Variants in PMEL observed in about 807,000 individuals in gnomAD.
PMEL encodes the protein melanocyte protein PMEL.
A neutral mutation model predicts 64.9 loss-of-function variants in PMEL; 53 were observed. That is an observed-to-expected ratio of 0.82 (90% CI 0.66 to 1.03). The LOEUF is 1.03. PMEL is among the 50% of genes least tolerant of loss of function. The pLI is 0.00. For missense variants in PMEL, 716 were observed against 814.9 expected (o/e 0.88, Z 1.48); for synonymous variants, 299 against 316.2 (o/e 0.95, Z 0.58).
At chr12:55,960,842 C>A (rs1168521342) in intron 3 of PMEL, among the ~76,000 whole-genome samples, 2 of 150,418 alleles carry the variant, frequency 1.3e-5, no homozygotes, top group African/African-American at 2.4e-5. Context: ...CCACCGCGCC[C>A]GGCCTTCTCT....
chr12:55,965,695 C>T (rs542241776), intron 1 of PMEL, among the ~76,000 whole-genome samples: 2 of 152,294 alleles, frequency 1.3e-5, no homozygotes, highest in East Asian at 3.9e-4. Flanking sequence ...AAGGAAGCCT[C>T]AGAATCAGTG....
Position 55,954,215 on chromosome 12 carries a change from C to T in PMEL, c.1985G>A (p.Ter662=). 1.9e-6 allele frequency: 3 copies of T among 1,609,616 alleles called. No individual in the cohort carries two copies. Among genetic ancestry groups the T allele is most frequent in the Non-Finnish European group, 2.5e-6 (3 of 1,178,376 alleles). ...NSPLLSGQQV[*] is the part of the protein sequence containing the mutation. ...AATCACAGCATCATATGAGAGTACT[C>T]AGACCTGCTGCCCACTGAGGAGGGG... The change falls in exon 11 of 11, where the codon TGA becomes TAA. Residue 662 remains the stop codon, a stop_retained_variant. Transcript: ENST00000548747.
In PMEL at chr12:55,961,628, A is replaced by C; in HGVS notation, c.181T>G (p.Trp61Gly). The C allele has an allele frequency of 6.2e-7, 1 of 1,613,074 alleles. No homozygotes were observed. The highest frequency in any genetic ancestry group is 8.5e-7 in the Non-Finnish European group (1 of 1,179,348). The change falls in exon 2 of 11, where the codon TGG becomes GGG. Residue 61 changes from tryptophan to glycine, a missense_variant. Transcript: ENST00000548747. Reference sequence around the variant, plus strand: ...GGAACTTCCAAGTTCCTACCTCTCCAGCAGTCAAGTCTCTGGGCTTCTGTC... The same window carrying C: ...GGAACTTCCAAGTTCCTACCTCTCCCGCAGTCAAGTCTCTGGGCTTCTGTC... ...EWTEAQRLDC[W>G]RGGQVSLKVS... is the part of the protein sequence containing the mutation.
In PMEL at chr12:55,961,460, C is replaced by G; in HGVS notation, c.191G>C (p.Gly64Ala). ...EAQRLDCWRG[G>A]QVSLKVSNDG... ...ATTACTGACCTTGAGGGACACTTGA[C>G]CACCTGGGAAGGAAAGCTACATTAG... is the stretch of plus-strand genomic sequence containing the variant. The change falls in exon 3 of 11, where the codon GGT (glycine) becomes GCT (alanine). Residue 64 changes from glycine to alanine, a missense_variant. Coordinates refer to ENST00000548747, the MANE Select transcript of PMEL (RefSeq NM_001384361.1). 6.2e-7 allele frequency: 1 copy of G among 1,614,074 alleles called. No homozygotes were observed. Among genetic ancestry groups the G allele is most frequent in the Non-Finnish European group, 8.5e-7 (1 of 1,179,964 alleles).
chr12:55,954,295 A>G lies in PMEL; in HGVS notation c.1905T>C (p.Ser635=), dbSNP rs765828110. 7 of 1,613,810 alleles carry G rather than the reference A, an allele frequency of 4.3e-6. No individual in the cohort carries two copies. The highest frequency in any genetic ancestry group is 5.9e-6 in the Non-Finnish European group (7 of 1,179,684). Residue 635 remains serine (S), a synonymous_variant, in exon 11 of 11, where the codon AGT becomes AGC. Coordinates refer to ENST00000548747, the MANE Select transcript of PMEL (RefSeq NM_001384361.1). ...AGATGCGGGGTAGACGCAGCCAGTG[A>G]CTGCTGCTATGTGGCAACTGGGGTA... ...FSVPQLPHSS[S]HWLRLPRIFC...
In PMEL at chr12:55,955,759, C is replaced by A. The variant is rs1231609668; in HGVS notation, c.1556+20G>T. On this transcript the variant is annotated intron_variant, in intron 8 of 10. Transcript: ENST00000548747. Reference sequence around the variant, plus strand: ...AAACAGTCAACCAAAGAGTTACCAGCACACTAGTGAGACACTCACCCGCCT... The same window carrying A: ...AAACAGTCAACCAAAGAGTTACCAGAACACTAGTGAGACACTCACCCGCCT... 1 of 1,610,708 alleles carries A rather than the reference C, an allele frequency of 6.2e-7. No homozygotes were observed. The highest frequency in any genetic ancestry group is 8.5e-7 in the Non-Finnish European group (1 of 1,177,004).
chr12:55,954,205 TGA>T lies in PMEL; in HGVS notation c.*7_*8del. On this transcript the variant is annotated 3_prime_UTR_variant, in exon 11 of 11. Coordinates refer to ENST00000548747, the MANE Select transcript of PMEL (RefSeq NM_001384361.1). ...ACTCCAGGAAAATCACAGCATCATA[TGA>T]GAGTACTCAGACCTGCTGCCCACTG... is the stretch of plus-strand genomic sequence containing the variant. 1 of 1,601,336 alleles carries T rather than the reference TGA, an allele frequency of 6.2e-7. No individual in the cohort carries two copies. The highest frequency in any genetic ancestry group is 1.7e-4 in the Middle Eastern group (1 of 6,008).
chr12:55,965,229 A>G (rs1889249938), intron 1 of PMEL, among the ~76,000 whole-genome samples: 1 of 152,122 alleles, frequency 6.6e-6, no homozygotes, highest in African/African-American at 2.4e-5. Flanking sequence ...GCCCGGCCTC[A>G]TTCCCTTTCT....
In PMEL at chr12:55,957,908, T is replaced by G; in HGVS notation, c.631+15A>C. On this transcript the variant is annotated intron_variant, in intron 5 of 10. Transcript: ENST00000548747. ...CTTGCCCTACAACTGGCCTTGCCCC[T>G]TCCTAAACCCTTACCAGTAATGGTG... 1 of 1,613,842 alleles carries G rather than the reference T, an allele frequency of 6.2e-7. No homozygotes were observed. The highest frequency in any genetic ancestry group is 8.5e-7 in the Non-Finnish European group (1 of 1,179,820).
At position 55,955,840 on chromosome 12, in the gene PMEL, G is replaced by A. The variant is rs1888860718; in HGVS notation, c.1495C>T (p.Leu499=). 1.2e-6 allele frequency: 2 copies of A among 1,613,998 alleles called. No individual in the cohort carries two copies. The highest frequency in any genetic ancestry group is 3.3e-5 in the Admixed American group (2 of 59,998). ...IVQGIESAEI[L]QAVPSGEGDA... ...CCCTCACCGGACGGCACAGCCTGCAGGATCTCGGCACTTTCAATACCCTCT... is the reference window on the plus strand; with the variant it reads ...CCCTCACCGGACGGCACAGCCTGCAAGATCTCGGCACTTTCAATACCCTCT... Residue 499 remains leucine (L), a synonymous_variant, in exon 8 of 11, where the codon CTG becomes TTG. Transcript: ENST00000548747.
chr12:55,959,227 T>A (rs1889009885), intron 3 of PMEL, among the ~76,000 whole-genome samples: 1 of 150,064 alleles, frequency 6.7e-6, no homozygotes, highest in Non-Finnish European at 1.5e-5. Context: ...AAAATACATT[T>A]AAAAAAAATT....
chr12:55,962,778 G>A (rs1425540812), intron 1 of PMEL, among the ~76,000 whole-genome samples: 2 of 151,636 alleles, frequency 1.3e-5, no homozygotes, highest in Admixed American at 6.6e-5. Flanking sequence ...TGATCCAACC[G>A]CTTCGGCCTC....
chr12:55,965,333 A>T (rs542458908), intron 1 of PMEL, among the ~76,000 whole-genome samples: 2 of 151,880 alleles, frequency 1.3e-5, no homozygotes, highest in South Asian at 4.2e-4. Context: ...GTCATAAGAT[A>T]CCCCATTCTT....
In PMEL at chr12:55,957,382, T is replaced by C; in HGVS notation, c.921A>G (p.Pro307=). ...PLTSCGSSPV[P]GTTDGHRPTA... The stretch of plus-strand genomic sequence containing the variant: ...TTGGCCTGTGCCCATCTGTGGTGCC[T>C]GGAACTGGGGAGGAGCCACAGGAGG... Residue 307 remains proline (P), a synonymous_variant, in exon 6 of 11, where the codon CCA becomes CCG. Transcript: ENST00000548747. 1.3e-6 allele frequency: 2 copies of C among 1,598,122 alleles called. No homozygotes were observed. Among genetic ancestry groups the C allele is most frequent in the Non-Finnish European group, 8.5e-7 (1 of 1,170,992 alleles).
upstream of PMEL, chr12:55,966,662 C>A (rs1889313328): frequency 4.7e-6 from 5 of 1,071,524 alleles, no homozygotes; most frequent in Admixed American, 1.9e-4. Flanking sequence ...GTCTAGCCCC[C>A]AAGAACCAAA....
At chr12:55,962,466 A>C (rs1471621759) in intron 1 of PMEL, among the ~76,000 whole-genome samples, 12 of 144,750 alleles carry the variant, frequency 8.3e-5, no homozygotes, top group African/African-American at 3.0e-4. Context: ...AAAAAAAAAA[A>C]AAAAACACAA....
chr12:55,966,489 G>C (rs1889307008), upstream of PMEL: 1 of 219,680 alleles, frequency 4.6e-6, no homozygotes, highest in Non-Finnish European at 8.3e-6. Flanking sequence ...TCCTGGGCCA[G>C]GTGGAATTTA....
chr12:55,958,648 C>CT, intron 3 of PMEL, 41 bp from the exon 4 acceptor site: 2 of 1,595,860 alleles, frequency 1.3e-6, no homozygotes, highest in Non-Finnish European at 1.7e-6. Flanking sequence ...CCCTGGCATT[C>CT]TTTTTTGTAT....
rs773457858 is a variant in PMEL, at chr12:55,955,460, C to T, written c.1762+4G>A. 6.2e-7 allele frequency: 1 copy of T among 1,614,008 alleles called. No individual in the cohort carries two copies. Reference sequence around the variant, plus strand: ...CTCATCTTAGCTCTTGTCCAAGGACCTACCAGGCATGATAAGCTGGGTGCT... The same window carrying T: ...CTCATCTTAGCTCTTGTCCAAGGACTTACCAGGCATGATAAGCTGGGTGCT... On this transcript the variant is annotated splice_donor_region_variant and intron_variant, in intron 9 of 10. Coordinates refer to ENST00000548747, the MANE Select transcript of PMEL (RefSeq NM_001384361.1).
Sources: gnomAD v4.1 joint callset for allele counts (sites outside exome capture counted in the v4.1 genomes callset) on GRCh38, gnomAD v4.1.1 for gene constraint, MANE v1.5 for transcripts, NCBI Gene and HGNC (gene_info 2026-07-23, HGNC 2026-07-21) for gene names.